PCDH17: variants seen among roughly 807,000 people sequenced by gnomAD.
PCDH17 encodes protocadherin 17.
PCDH17 carries 21 observed loss-of-function variants against 67.7 expected under a neutral mutation model. The observed-to-expected ratio is 0.31, with a 90% CI of 0.22 to 0.45. PCDH17 has a LOEUF of 0.45. Among genes scored for constraint, PCDH17 ranks in the 20% least tolerant of loss-of-function variants. The pLI is 1.00. For missense variants in PCDH17, 1,471 were observed against 1,564.8 expected (o/e 0.94, Z 1.01); for synonymous variants, 701 against 656.7 (o/e 1.07, Z -1.03).
At chr13:57,694,272 G>A (rs1218772004) in intron 3 of PCDH17, among the ~76,000 whole-genome samples, 1 of 151,114 alleles carries the variant, frequency 6.6e-6, no homozygotes, top group Non-Finnish European at 1.5e-5. Context: ...CAGTTTTGGA[G>A]CACAATAAAA....
chr13:57,633,440 C>G lies in PCDH17; in HGVS notation c.894C>G (p.Pro298=). The G allele has an allele frequency of 6.2e-7, 1 of 1,613,628 alleles. No individual in the cohort carries two copies. The highest frequency in any genetic ancestry group is 8.5e-7 in the Non-Finnish European group (1 of 1,180,036). The change falls in exon 1 of 4, where the codon CCC becomes CCG. Residue 298 remains proline (P), a synonymous_variant. Transcript: ENST00000377918. The surrounding 1 kb of genome is among the most constrained non-coding windows in gnomAD (Gnocchi z 6.2). ...TGCGGGAGCTCTTCTCCATCGACCCCAAGACCGGCCTAATCCGTGTGAAGG... is the reference window on the plus strand; with the variant it reads ...TGCGGGAGCTCTTCTCCATCGACCCGAAGACCGGCCTAATCCGTGTGAAGG... The part of the protein sequence containing the change: ...DRVRELFSID[P]KTGLIRVKGN...
At chr13:57,665,943 G>A (rs1255867269) in intron 1 of PCDH17, among the ~76,000 whole-genome samples, 1 of 152,092 alleles carries the variant, frequency 6.6e-6, no homozygotes, top group East Asian at 1.9e-4. Flanking sequence ...ATAGCAATGA[G>A]TTCAACCATA....
At chr13:57,645,458 T>C (rs1954953556) in intron 1 of PCDH17, among the ~76,000 whole-genome samples, 1 of 151,650 alleles carries the variant, frequency 6.6e-6, no homozygotes, top group Non-Finnish European at 1.5e-5. Flanking sequence ...GGCTAAAGTC[T>C]AAGATATTAA....
intron 3 of PCDH17, among the ~76,000 whole-genome samples, chr13:57,688,418 A>G (rs550833020): frequency 1.3e-5 from 2 of 152,216 alleles, no homozygotes; most frequent in East Asian, 1.9e-4. Context: ...CTAAATGACA[A>G]TTGACATAAT....
chr13:57,722,110 A>C (rs1392274223), intron 3 of PCDH17, among the ~76,000 whole-genome samples: 3 of 152,308 alleles, frequency 2.0e-5, no homozygotes, highest in Non-Finnish European at 4.4e-5. Context: ...ACGATGTGAC[A>C]TAAAGGAGTT....
At chr13:57,666,124 A>T (rs1445258917) in intron 1 of PCDH17, among the ~76,000 whole-genome samples, 1 of 152,300 alleles carries the variant, frequency 6.6e-6, no homozygotes, top group African/African-American at 2.4e-5. Flanking sequence ...CACTTTTAAT[A>T]TGGAGAAATT....
At chr13:57,703,491 A>AT (rs750074758) in intron 3 of PCDH17, among the ~76,000 whole-genome samples, 14 of 152,142 alleles carry the variant, frequency 9.2e-5, no homozygotes, top group Non-Finnish European at 7.4e-5. Flanking sequence ...ATGCATCTTC[A>AT]TAAAATCATG....
intron 1 of PCDH17, among the ~76,000 whole-genome samples, chr13:57,664,062 G>C (rs1011284508): frequency 6.6e-6 from 1 of 151,786 alleles, no homozygotes; most frequent in African/African-American, 2.4e-5. Context: ...CACCACACCT[G>C]GCTAATTTTA....
At chr13:57,648,348 T>A (rs1954991910) in intron 1 of PCDH17, among the ~76,000 whole-genome samples, 1 of 151,944 alleles carries the variant, frequency 6.6e-6, no homozygotes, top group Non-Finnish European at 1.5e-5. Context: ...GCATTTGAAA[T>A]TCAATCATTA....
rs56840875 is a variant in PCDH17 at position 57,707,334 on chromosome 13, CGTGTGTGT to C, written c.2798-17247_2798-17240del. ...TGTAGCTTTGTTTGTGATATATGAC[CGTGTGTGT>C]GTGTGTGTGTGTGTGTGTGTGTGTG... On this transcript the variant is annotated intron_variant, in intron 3 of 3. Coordinates refer to ENST00000377918, the MANE Select transcript of PCDH17 (RefSeq NM_001040429.3). Among the ~76,000 whole-genome samples the C allele has an allele frequency of 8.3e-3, 1,214 of 145,776 alleles. 17 individuals are homozygous for C. The highest frequency in any genetic ancestry group is 0.023 in the African/African-American group (928 of 39,558).
intron 3 of PCDH17, among the ~76,000 whole-genome samples, chr13:57,718,730 C>T (rs757654013): frequency 6.6e-6 from 1 of 151,958 alleles, no homozygotes; most frequent in Non-Finnish European, 1.5e-5. Flanking sequence ...GGACCATTTT[C>T]TGATGAGATT....
intron 1 of PCDH17, among the ~76,000 whole-genome samples, chr13:57,639,358 A>C (rs139912147): frequency 2.1e-3 from 312 of 151,886 alleles, no homozygotes; most frequent in African/African-American, 7.2e-3. Flanking sequence ...ATAACCCCTA[A>C]AAGTCCAAAA....
intron 3 of PCDH17, among the ~76,000 whole-genome samples, chr13:57,691,093 T>A (rs1001753399): frequency 6.6e-6 from 1 of 151,448 alleles, no homozygotes; most frequent in Admixed American, 6.6e-5. Context: ...TTAATAATTC[T>A]TTGGTGACTA....
chr13:57,724,564 A>G (rs1167247102), intron 3 of PCDH17, 48 bp from the exon 4 acceptor site: 1 of 1,496,278 alleles, frequency 6.7e-7, no homozygotes, highest in Admixed American at 1.9e-5. Context: ...TAGAAATTTA[A>G]AGAAAACTCT....
intron 3 of PCDH17, among the ~76,000 whole-genome samples, chr13:57,681,258 G>C (rs903919012): frequency 1.3e-5 from 2 of 151,736 alleles, no homozygotes; most frequent in Non-Finnish European, 2.9e-5. Context: ...GCAAAGGAGA[G>C]TTTGCAGAAC....
At chr13:57,718,118 G>GGT (rs1955838363) in intron 3 of PCDH17, among the ~76,000 whole-genome samples, 1 of 152,036 alleles carries the variant, frequency 6.6e-6, no homozygotes, top group Non-Finnish European at 1.5e-5. Flanking sequence ...CTGTGCACAA[G>GGT]TGAGACACAT....
Position 57,634,970 on chromosome 13 carries a change from G to A in PCDH17, c.2424G>A (p.Ser808=), listed in dbSNP as rs1410485821. Residue 808 remains serine, a synonymous_variant, in exon 1 of 4, where the codon TCG becomes TCA. Coordinates refer to ENST00000377918, the MANE Select transcript of PCDH17 (RefSeq NM_001040429.3). The surrounding 1 kb of genome is among the most constrained non-coding windows in gnomAD (Gnocchi z 7.8). ...FDYQTRLPLS[S]PRSEVMYLKP... ...ACCAGACCCGCCTGCCCCTCAGCTCGCCCCGGTCGGAGGTGATGTATCTCA... is the reference window on the plus strand; with the variant it reads ...ACCAGACCCGCCTGCCCCTCAGCTCACCCCGGTCGGAGGTGATGTATCTCA... 6.2e-7 allele frequency: 1 copy of A among 1,613,748 alleles called. No homozygotes were observed. Among genetic ancestry groups the A allele is most frequent in the Admixed American group, 1.7e-5 (1 of 59,994 alleles).
rs889322810 is a variant in PCDH17 at position 57,726,291 on chromosome 13, G to A, written c.*997G>A. 6.6e-6 allele frequency: 1 copy of A among 152,644 alleles called. No individual in the cohort carries two copies. The highest frequency in any genetic ancestry group is 1.5e-5 in the Non-Finnish European group (1 of 68,026). 9.5% of individuals were successfully genotyped at this position (152,644 alleles called of 1,614,324 possible). On this transcript the variant is annotated 3_prime_UTR_variant, in exon 4 of 4. Coordinates refer to ENST00000377918, the MANE Select transcript of PCDH17 (RefSeq NM_001040429.3). ...ATGTGCAAATGTAAGAAGATTCAATGTGTTTACATCAAATGACATATTTTA... is the reference window on the plus strand; with the variant it reads ...ATGTGCAAATGTAAGAAGATTCAATATGTTTACATCAAATGACATATTTTA...
intron 1 of PCDH17, among the ~76,000 whole-genome samples, chr13:57,665,681 ACT>A (rs1955243860): frequency 1.3e-5 from 2 of 151,900 alleles, no homozygotes; most frequent in South Asian, 4.2e-4. Context: ...CTCCCAAAAG[ACT>A]CTGTTCCATG....
Sources: gnomAD v4.1 joint callset for allele counts (sites outside exome capture counted in the v4.1 genomes callset) on GRCh38, gnomAD v4.1.1 for gene constraint, Gnocchi (gnomAD v3.1) non-coding constraint, MANE v1.5 for transcripts, NCBI Gene and HGNC (gene_info 2026-07-23, HGNC 2026-07-21) for gene names.